Variants in TLE4 observed in about 807,000 individuals in gnomAD.
The protein encoded by TLE4 is TLE family member 4, transcriptional corepressor, also known as transducin-like enhancer protein 4.
TLE4 carries 8 observed loss-of-function variants against 92.8 expected under a neutral mutation model. The ratio of observed to expected loss-of-function variants is 0.09; its 90% confidence interval spans 0.05 to 0.16. TLE4 has a LOEUF of 0.16. Among genes scored for constraint, TLE4 ranks in the 10% least tolerant of loss-of-function variants. TLE4 has a pLI of 1.00. For missense variants in TLE4, 675 were observed against 997.6 expected, an observed-to-expected ratio of 0.68 and a Z score of 4.36; for synonymous variants, 371 against 374.1, an observed-to-expected ratio of 0.99 and a Z score of 0.10.
intron 8 of TLE4, among the ~76,000 whole-genome samples, chr9:79,665,227 T>C (rs2061199889): frequency 6.6e-6 from 1 of 152,234 alleles, no homozygotes; most frequent in Non-Finnish European, 1.5e-5. Flanking sequence ...TTCCTGACTT[T>C]GAAACCTGTT....
intron 8 of TLE4, among the ~76,000 whole-genome samples, chr9:79,682,127 T>C: frequency 6.6e-6 from 1 of 152,150 alleles, no homozygotes; most frequent in Non-Finnish European, 1.5e-5. Context: ...GTTAAAACTT[T>C]ATTTTAAAAG....
At chr9:79,687,842 C>T (rs2066213031) in intron 8 of TLE4, among the ~76,000 whole-genome samples, 1 of 152,200 alleles carries the variant, frequency 6.6e-6, no homozygotes, top group Non-Finnish European at 1.5e-5. Flanking sequence ...AAGTTTCCTC[C>T]TGTTCAAAGT....
intron 8 of TLE4, among the ~76,000 whole-genome samples, chr9:79,683,319 A>G (rs954308988): frequency 2.6e-5 from 4 of 152,218 alleles, no homozygotes; most frequent in Non-Finnish European, 4.4e-5. Flanking sequence ...TGAGAACCCT[A>G]AAAGATGGTT....
At chr9:79,578,969 C>G (rs367985301) in intron 4 of TLE4, among the ~76,000 whole-genome samples, 37 of 148,814 alleles carry the variant, frequency 2.5e-4, no homozygotes, top group African/African-American at 8.4e-4. Context: ...ATGAAGTATT[C>G]TAGGCTATAA....
chr9:79,690,123 C>A (rs2066743421), intron 8 of TLE4, among the ~76,000 whole-genome samples: 1 of 152,112 alleles, frequency 6.6e-6, no homozygotes, highest in South Asian at 2.1e-4. Context: ...TGCTCTATAC[C>A]TTACTCTTCC....
At chr9:79,686,645 A>G (rs2065920691) in intron 8 of TLE4, among the ~76,000 whole-genome samples, 1 of 152,218 alleles carries the variant, frequency 6.6e-6, no homozygotes. Flanking sequence ...AAGAATGCCA[A>G]GGATTGCCAG....
chr9:79,617,725 G>A (rs1169720736), intron 5 of TLE4, among the ~76,000 whole-genome samples: 1 of 151,942 alleles, frequency 6.6e-6, no homozygotes, highest in Non-Finnish European at 1.5e-5. Context: ...GGTATAATGG[G>A]ATACCTGTAC....
chr9:79,674,762 T>G (rs992756224), intron 8 of TLE4, among the ~76,000 whole-genome samples: 3 of 152,206 alleles, frequency 2.0e-5, no homozygotes, highest in African/African-American at 7.2e-5. Flanking sequence ...CATTTCACTT[T>G]GGAGCATTTT....
chr9:79,696,524 A>C (rs960321947), intron 8 of TLE4, among the ~76,000 whole-genome samples: 1 of 152,086 alleles, frequency 6.6e-6, no homozygotes, highest in African/African-American at 2.4e-5. Flanking sequence ...TTCCTGTTGT[A>C]TTACCCTCAG....
intron 8 of TLE4, among the ~76,000 whole-genome samples, chr9:79,693,814 A>G (rs2067603968): frequency 6.6e-6 from 1 of 152,250 alleles, no homozygotes; most frequent in Non-Finnish European, 1.5e-5. Context: ...TTTTAATAAA[A>G]TAGTGATTGA....
intron 14 of TLE4, among the ~76,000 whole-genome samples, chr9:79,715,173 ACTATTT>A (rs1245151548): frequency 6.6e-6 from 1 of 152,190 alleles, no homozygotes; most frequent in Non-Finnish European, 1.5e-5. Flanking sequence ...TGGTTTCTTA[ACTATTT>A]GAAATCTCAG....
intron 4 of TLE4, among the ~76,000 whole-genome samples, chr9:79,596,907 A>C (rs1298905742): frequency 1.3e-5 from 2 of 152,184 alleles, no homozygotes; most frequent in Non-Finnish European, 2.9e-5. Flanking sequence ...AGGATTTGGG[A>C]CTGCACAGCT....
intron 8 of TLE4, among the ~76,000 whole-genome samples, chr9:79,679,923 A>G (rs376774442): frequency 2.6e-5 from 4 of 151,634 alleles, no homozygotes; most frequent in Non-Finnish European, 5.9e-5. Context: ...GATCAGATAG[A>G]TGTAGATATG....
In TLE4 at chr9:79,718,884, C is replaced by T. The variant is rs201630744; in HGVS notation, c.1503C>T (p.His501=). 5 of 1,614,056 alleles carry T rather than the reference C, an allele frequency of 3.1e-6. No homozygotes were observed. The highest frequency in any genetic ancestry group is 2.7e-5 in the African/African-American group (2 of 74,924). ...CAVTISNPTR[H]VYTGGKGCVK... The stretch of plus-strand genomic sequence containing the variant: ...TGACCATCAGCAACCCCACGAGACA[C>T]GTGTACACGGGTGGGAAGGGCTGCG... Residue 501 remains histidine (H), a synonymous_variant, in exon 15 of 20, where the codon CAC becomes CAT. Transcript: ENST00000376552.
chr9:79,679,339 G>A (rs1202095608), intron 8 of TLE4, among the ~76,000 whole-genome samples: 2 of 152,124 alleles, frequency 1.3e-5, no homozygotes, highest in East Asian at 3.9e-4. Context: ...GTATCTCATT[G>A]TGGTTTTGAT....
chr9:79,594,924 C>T (rs547943829), intron 4 of TLE4, among the ~76,000 whole-genome samples: 1 of 152,188 alleles, frequency 6.6e-6, no homozygotes, highest in Admixed American at 6.5e-5. Flanking sequence ...TAACTCTGTA[C>T]TTTAACCATA....
At chr9:79,634,566 C>T (rs1309228709) in intron 6 of TLE4, among the ~76,000 whole-genome samples, 1 of 152,086 alleles carries the variant, frequency 6.6e-6, no homozygotes, top group Non-Finnish European at 1.5e-5. Context: ...TTTTGACAAC[C>T]GAATACAGTT....
In TLE4 at chr9:79,704,838, C is replaced by A. The variant is rs374086890; in HGVS notation, c.665C>A (p.Ser222Tyr). ...CGAGGTGCTGAGAAGCACAGAAACT[C>A]CGCAGACTACTCCTCAGAGAGCAAA... ...SFRGAEKHRN[S>Y]ADYSSESKKQ... Residue 222 changes from serine (S) to tyrosine (Y), a missense_variant, in exon 9 of 20, where the codon TCC becomes TAC. Around this residue, in one of 5 missense-constraint regions of TLE4, gnomAD observed 280 missense variants for 287.3 expected, o/e 0.97. Coordinates refer to ENST00000376552, the MANE Select transcript of TLE4 (RefSeq NM_007005.6). 1.2e-6 allele frequency: 2 copies of A among 1,614,162 alleles called. No homozygotes were observed. The highest frequency in any genetic ancestry group is 1.7e-6 in the Non-Finnish European group (2 of 1,180,024).
At chr9:79,659,733 T>G (rs2060263884) in intron 8 of TLE4, among the ~76,000 whole-genome samples, 1 of 152,194 alleles carries the variant, frequency 6.6e-6, no homozygotes, top group South Asian at 2.1e-4. Context: ...GAAGAGAACT[T>G]TACTTAGTTA....
Sources: allele counts gnomAD v4.1 joint callset (sites outside exome capture counted in the v4.1 genomes callset), GRCh38; gene constraint gnomAD v4.1.1; regional missense constraint gnomAD v4.1.1; transcripts MANE v1.5; gene names NCBI Gene and HGNC (gene_info 2026-07-23, HGNC 2026-07-21).